Variants in STAB2 observed in about 807,000 individuals in gnomAD.
The protein encoded by STAB2 is stabilin 2.
Under a neutral mutation model 338.1 loss-of-function variants are expected in STAB2, and 288 were observed. The observed-to-expected ratio is 0.85, with a 90% CI of 0.77 to 0.94. The LOEUF is 0.94. STAB2 is among the 40% of genes least tolerant of loss of function. STAB2 has a pLI of 0.00. For missense variants in STAB2, 3,141 were observed against 3,210.1 expected, an observed-to-expected ratio of 0.98 and a Z score of 0.52; for synonymous variants, 1,202 against 1,193.3, an observed-to-expected ratio of 1.01 and a Z score of -0.15.
intron 27 of STAB2, among the ~76,000 whole-genome samples, chr12:103,686,457 A>G (rs549902256): frequency 6.6e-6 from 1 of 152,268 alleles, no homozygotes; most frequent in Non-Finnish European, 1.5e-5. Flanking sequence ...AAGCAAAATT[A>G]AGTCCTCAGC....
At chr12:103,639,352 G>A in intron 8 of STAB2, among the ~76,000 whole-genome samples, 1 of 152,080 alleles carries the variant, frequency 6.6e-6, no homozygotes, top group African/African-American at 2.4e-5. Flanking sequence ...GCATTGTGAG[G>A]TGTTTAACAG....
intron 1 of STAB2, 118 bp downstream of exon 1, chr12:103,587,675 A>G (rs1956732177): frequency 2.4e-6 from 2 of 836,060 alleles, no homozygotes; most frequent in African/African-American, 3.5e-5. Flanking sequence ...TAAAATACAG[A>G]GAATGTTTTT....
At chr12:103,685,867 G>A (rs980570518) in intron 27 of STAB2, among the ~76,000 whole-genome samples, 1 of 151,978 alleles carries the variant, frequency 6.6e-6, no homozygotes. Context: ...ATATAGTTCA[G>A]CAGTAATAAA....
rs553122086 is a variant in STAB2 at position 103,737,542 on chromosome 12, G to A, written c.5551-92G>A. On this transcript the variant is annotated intron_variant, in intron 52 of 68. Coordinates refer to ENST00000388887, the MANE Select transcript of STAB2 (RefSeq NM_017564.10). The stretch of plus-strand genomic sequence containing the variant: ...GTTACTGGCCATGTTACATGGCTGG[G>A]AAAGAAGAGATGTGTGAAAGAGATT... The A allele has an allele frequency of 5.8e-5, 81 of 1,396,340 alleles. 1 individual carries two copies. The South Asian group carries it at 7.3e-4, about 13-fold the overall frequency. 86.5% of individuals were successfully genotyped at this position (1,396,340 alleles called of 1,614,324 possible). A position where few individuals can be genotyped will look rare whatever the true frequency, so the allele number is the denominator to read the frequency against.
chr12:103,594,043 T>C (rs957706626), intron 2 of STAB2, among the ~76,000 whole-genome samples: 4 of 150,168 alleles, frequency 2.7e-5, no homozygotes, highest in African/African-American at 9.7e-5. Flanking sequence ...TTGTAACTCA[T>C]GATCTCTCCC....
At chr12:103,736,733 T>C (rs1330261159) in intron 52 of STAB2, among the ~76,000 whole-genome samples, 2 of 152,126 alleles carry the variant, frequency 1.3e-5, no homozygotes, top group African/African-American at 2.4e-5. Context: ...GACTTGCCCA[T>C]AGTCACATAG....
At chr12:103,630,199 G>A (rs1426283229) in intron 5 of STAB2, among the ~76,000 whole-genome samples, 3 of 152,146 alleles carry the variant, frequency 2.0e-5, no homozygotes. Flanking sequence ...CAATAGTCCA[G>A]GCAAAACATG....
chr12:103,749,104 A>C lies in STAB2; in HGVS notation c.6386A>C (p.Asp2129Ala). 1 of 1,612,102 alleles carries C rather than the reference A, an allele frequency of 6.2e-7. No homozygotes were observed. Among genetic ancestry groups the C allele is most frequent in the Non-Finnish European group, 8.5e-7 (1 of 1,178,586 alleles). Reference sequence around the variant, plus strand: ...TGCACAGAGATAGACCCCTGTGCAGACGGCCTTAACGGAGGGTGTCACGAG... The same window carrying C: ...TGCACAGAGATAGACCCCTGTGCAGCCGGCCTTAACGGAGGGTGTCACGAG... ...HSCTEIDPCADGLNGGCHEHA... is the reference protein window; with the variant it reads ...HSCTEIDPCAAGLNGGCHEHA... Residue 2129 changes from aspartate to alanine, a missense_variant, in exon 59 of 69, where the codon GAC becomes GCC. Physicochemically the swap from Asp to Ala is moderately radical, Grantham distance 126. Coordinates refer to ENST00000388887, the MANE Select transcript of STAB2 (RefSeq NM_017564.10).
At chr12:103,595,547 G>T (rs1320526438) in intron 3 of STAB2, among the ~76,000 whole-genome samples, 1 of 151,584 alleles carries the variant, frequency 6.6e-6, no homozygotes, top group Non-Finnish European at 1.5e-5. Flanking sequence ...ATGTCTTTTG[G>T]GTTTTTTGTT....
intron 3 of STAB2, among the ~76,000 whole-genome samples, chr12:103,616,612 C>T (rs1198252487): frequency 6.6e-6 from 1 of 152,172 alleles, no homozygotes; most frequent in Admixed American, 6.5e-5. Context: ...CTTCAGGAGG[C>T]CCTGTGTTGT....
At chr12:103,638,355 G>T in intron 8 of STAB2, 143 bp downstream of exon 8, 1 of 884,968 alleles carries the variant, frequency 1.1e-6, no homozygotes, top group Non-Finnish European at 1.7e-6. Flanking sequence ...TCCTCCATGT[G>T]CTCAGAGCCT....
chr12:103,733,070 C>T lies in STAB2; in HGVS notation c.5348C>T (p.Thr1783Ile). ...ACCCCAGTCACTCTCTTCTGGCCCA[C>T]CGACCAAGCCCTCCATGCCCTACCT... ...IHTPVTLFWP[T>I]DQALHALPAE... The change falls in exon 51 of 69, where the codon ACC (threonine) becomes ATC (isoleucine). Residue 1783 changes from threonine (T) to isoleucine (I), a missense_variant. By Grantham distance (89) the Thr-to-Ile change is moderately conservative (BLOSUM62 -1). Transcript: ENST00000388887. The T allele has an allele frequency of 6.2e-7, 1 of 1,614,154 alleles. No individual in the cohort carries two copies. Among genetic ancestry groups the T allele is most frequent in the Non-Finnish European group, 8.5e-7 (1 of 1,180,018 alleles).
At chr12:103,689,764 T>G in intron 28 of STAB2, 82 bp from the exon 29 acceptor site, 1 of 1,519,000 alleles carries the variant, frequency 6.6e-7, no homozygotes, top group Non-Finnish European at 8.9e-7. Context: ...TATGGGAAAT[T>G]GTCATCTCTT....
Position 103,699,502 on chromosome 12 carries a change from A to T in STAB2, c.3714+275A>T, listed in dbSNP as rs571456475. Among the ~76,000 whole-genome samples the T allele has an allele frequency of 5.3e-5, 8 of 152,330 alleles. 1 individual carries two copies. The South Asian group carries it at 1.7e-3, about 32-fold the overall frequency. On this transcript the variant is annotated intron_variant, in intron 34 of 68. Transcript: ENST00000388887. ...CAGCAGGCAAAAAGACAGCTCGTGC[A>T]GGAAACTCCCCCTTATGAAACCATC...
At chr12:103,750,811 C>T (rs952327890) in intron 60 of STAB2, 91 bp downstream of exon 60, 20 of 1,454,562 alleles carry the variant, frequency 1.4e-5, no homozygotes, top group Non-Finnish European at 1.8e-5. Flanking sequence ...ACAAAACAGG[C>T]CAAGCCTGGT....
intron 15 of STAB2, among the ~76,000 whole-genome samples, chr12:103,657,413 A>G (rs1447016322): frequency 6.6e-6 from 1 of 152,132 alleles, no homozygotes; most frequent in African/African-American, 2.4e-5. Flanking sequence ...GAAAAAATCA[A>G]CCTCATTGCT....
At chr12:103,738,985 T>C (rs571133343) in intron 53 of STAB2, among the ~76,000 whole-genome samples, 6 of 152,068 alleles carry the variant, frequency 3.9e-5, no homozygotes, top group South Asian at 2.1e-4. Context: ...TTGTTGTTGT[T>C]GTCGTCTTGA....
chr12:103,739,106 G>A (rs1482031942), intron 53 of STAB2, among the ~76,000 whole-genome samples: 5 of 151,762 alleles, frequency 3.3e-5, no homozygotes, highest in Admixed American at 1.3e-4. Flanking sequence ...CTCCAAAGTC[G>A]CTGGGACTAC....
intron 23 of STAB2, 147 bp downstream of exon 23, chr12:103,674,234 T>C (rs2138831563): frequency 1.0e-6 from 1 of 991,996 alleles, no homozygotes; most frequent in South Asian, 1.8e-5. Flanking sequence ...GACAGTGTGG[T>C]GTTTGTGAAA....
Sources: allele counts gnomAD v4.1 joint callset (sites outside exome capture counted in the v4.1 genomes callset), GRCh38; gene constraint gnomAD v4.1.1; transcripts MANE v1.5; gene names NCBI Gene and HGNC (gene_info 2026-07-23, HGNC 2026-07-21).